Variants in TAC3 observed in about 807,000 individuals in gnomAD.
The protein encoded by TAC3 is tachykinin-3.
TAC3 carries 9 observed loss-of-function variants against 16.5 expected under a neutral mutation model. That is an observed-to-expected ratio of 0.55 (90% CI 0.33 to 0.95). The LOEUF (loss-of-function observed/expected upper bound fraction) is 0.95. Among genes scored for constraint, TAC3 ranks in the 40% least tolerant of loss-of-function variants. The pLI, the probability that TAC3 is intolerant of heterozygous loss-of-function variation, is 0.03. For synonymous variants in TAC3, 52 were observed against 56.7 expected (o/e 0.92, Z 0.37); for missense variants, 129 against 149.1 (o/e 0.87, Z 0.70).
At chr12:57,013,113 C>A in intron 4 of TAC3, 1 of 720,176 alleles carries the variant, frequency 1.4e-6, no homozygotes. Flanking sequence ...ATTTTCAGGG[C>A]CACGAAGAGA....
chr12:57,013,443 A>T (rs1956329571), intron 3 of TAC3, 55 bp from the exon 4 acceptor site: 1 of 1,609,064 alleles, frequency 6.2e-7, no homozygotes, highest in Non-Finnish European at 8.5e-7. Context: ...AAGTGATGAG[A>T]GCGGGGTTCA....
intron 3 of TAC3, 25 bp from the exon 4 acceptor site, chr12:57,013,413 A>T (rs1056834724): frequency 6.2e-7 from 1 of 1,614,118 alleles, no homozygotes; most frequent in African/African-American, 1.3e-5. Flanking sequence ...ACAGATGTCT[A>T]AATGGGGAGT....
At chr12:57,012,348 C>A in intron 6 of TAC3, 30 bp downstream of exon 6, 1 of 1,600,234 alleles carries the variant, frequency 6.2e-7, no homozygotes, top group Non-Finnish European at 8.6e-7. Context: ...TCCCCAGTCC[C>A]CTCTCCCCTC....
At chr12:57,011,492 G>A (rs1956297556) in intron 6 of TAC3, among the ~76,000 whole-genome samples, 1 of 152,150 alleles carries the variant, frequency 6.6e-6, no homozygotes, top group African/African-American at 2.4e-5. Flanking sequence ...CACTTCCCTG[G>A]GGGACTCTTA....
Position 57,010,391 on chromosome 12 carries a change from G to A in TAC3, c.*2-103C>T, listed in dbSNP as rs192257268. ...AACCTGCTGTGGCAGCAGGAGAGAA[G>A]GGGAGAGGCGTCTGTGAGAGAGGAA... On this transcript the variant is annotated intron_variant, in intron 6 of 6. Transcript: ENST00000458521. 2.0e-3 allele frequency: 709 copies of A among 352,644 alleles called. 4 individuals are homozygous for A. The highest frequency in any genetic ancestry group is 0.014 in the African/African-American group (670 of 46,754). 21.8% of individuals were successfully genotyped at this position (352,644 alleles called of 1,614,324 possible). A position where few individuals can be genotyped will look rare whatever the true frequency, so the allele number is the denominator to read the frequency against.
At position 57,013,624 on chromosome 12, in the gene TAC3, G is replaced by A; in HGVS notation, c.162C>T (p.His54=). 2 of 1,613,736 alleles carry A rather than the reference G, an allele frequency of 1.2e-6. No homozygotes were observed. The highest frequency in any genetic ancestry group is 1.7e-6 in the Non-Finnish European group (2 of 1,179,958). Reference sequence around the variant, plus strand: ...CTTTGAGCAATCCCTCCAGAGATGAGTGGCTTTTGAAGAGTCTCTGGAGCA... The same window carrying A: ...CTTTGAGCAATCCCTCCAGAGATGAATGGCTTTTGAAGAGTCTCTGGAGCA... ...YQLLQRLFKS[H]SSLEGLLKAL... The change falls in exon 3 of 7, where the codon CAC becomes CAT. Residue 54 remains histidine, a synonymous_variant. Transcript: ENST00000458521.
At chr12:57,012,190 G>C in intron 6 of TAC3, 188 bp downstream of exon 6, 1 of 612,030 alleles carries the variant, frequency 1.6e-6, no homozygotes, top group Non-Finnish European at 2.9e-6. Context: ...GAAAGACGGG[G>C]GATGTGTACA....
chr12:57,012,650 A>G (rs1193604945), intron 5 of TAC3, 172 bp downstream of exon 5: 2 of 1,613,048 alleles, frequency 1.2e-6, no homozygotes, highest in East Asian at 2.2e-5. Flanking sequence ...CTCTGTTCCC[A>G]GGGAAGACTT....
intron 6 of TAC3, among the ~76,000 whole-genome samples, chr12:57,011,664 T>C (rs1304733645): frequency 6.6e-6 from 1 of 152,168 alleles, no homozygotes; most frequent in East Asian, 1.9e-4. Context: ...TCTGAACACT[T>C]TACCTATACT....
Position 57,012,458 on chromosome 12 carries a change from G to T in TAC3, c.293-6C>A, listed in dbSNP as rs763641944. 2.5e-6 allele frequency: 4 copies of T among 1,614,062 alleles called. No individual in the cohort carries two copies. The East Asian group carries it at 8.9e-5, about 36-fold the overall frequency. On this transcript the variant is annotated splice_polypyrimidine_tract_variant and splice_region_variant and intron_variant, in intron 5 of 6. Coordinates refer to ENST00000458521, the MANE Select transcript of TAC3 (RefSeq NM_013251.4). Reference sequence around the variant, plus strand: ...ATTCACATCCGTAGGAGAGTCTAGGGTAAAGCGAACAGTGTAAGTAAGAGG... The same window carrying T: ...ATTCACATCCGTAGGAGAGTCTAGGTTAAAGCGAACAGTGTAAGTAAGAGG...
chr12:57,014,015 G>A (rs1052529783), intron 2 of TAC3, among the ~76,000 whole-genome samples: 1 of 152,172 alleles, frequency 6.6e-6, no homozygotes, highest in African/African-American at 2.4e-5. Flanking sequence ...CACTCTGCAC[G>A]ATGTCCATGG....
At chr12:57,012,624 A>T in intron 5 of TAC3, 172 bp from the exon 6 acceptor site, 1 of 1,612,974 alleles carries the variant, frequency 6.2e-7, no homozygotes, top group Non-Finnish European at 8.5e-7. Context: ...GGACTACCTT[A>T]TAAAGGTCTC....
At chr12:57,016,206 T>C (rs1956371872) in intron 1 of TAC3, among the ~76,000 whole-genome samples, 181 bp downstream of exon 1, 1 of 152,192 alleles carries the variant, frequency 6.6e-6, no homozygotes, top group Non-Finnish European at 1.5e-5. Context: ...TATGAAAGAA[T>C]GAGTCTGTAG....
chr12:57,016,156 A>G (rs1164329680), intron 1 of TAC3, among the ~76,000 whole-genome samples: 1 of 152,128 alleles, frequency 6.6e-6, no homozygotes, highest in Non-Finnish European at 1.5e-5. Flanking sequence ...GCTATTTTCC[A>G]GTACTAGATA....
intron 2 of TAC3, among the ~76,000 whole-genome samples, chr12:57,014,075 T>C (rs774865459): frequency 1.3e-5 from 2 of 152,172 alleles, no homozygotes; most frequent in African/African-American, 4.8e-5. Flanking sequence ...CTCCATGGCT[T>C]TCCGCCTCTA....
rs765352443 is a variant in TAC3, at chr12:57,013,592, C to T, written c.194G>A (p.Ser65Asn). Residue 65 changes from serine to asparagine, a missense_variant, in exon 3 of 7, where the codon AGC (serine) becomes AAC (asparagine). Coordinates refer to ENST00000458521, the MANE Select transcript of TAC3 (RefSeq NM_013251.4). ...CCGCCTCCTACCTGTGCTAGCCTGGCTCAGGGCTTTGAGCAATCCCTCCAG... is the reference window on the plus strand; with the variant it reads ...CCGCCTCCTACCTGTGCTAGCCTGGTTCAGGGCTTTGAGCAATCCCTCCAG... Reference protein sequence around the residue: ...SSLEGLLKALSQASTDPKEST... With the variant: ...SSLEGLLKALNQASTDPKEST... 1 of 1,613,532 alleles carries T rather than the reference C, an allele frequency of 6.2e-7. No individual in the cohort carries two copies. Among genetic ancestry groups the T allele is most frequent in the Non-Finnish European group, 8.5e-7 (1 of 1,179,926 alleles).
At chr12:57,015,593 C>T in intron 2 of TAC3, 91 bp downstream of exon 2, 1 of 1,173,240 alleles carries the variant, frequency 8.5e-7, no homozygotes, top group Non-Finnish European at 1.3e-6. Context: ...ACGGACAACC[C>T]CCCCACCCCA....
chr12:57,013,494 C>G, intron 3 of TAC3, 84 bp downstream of exon 3: 1 of 1,592,028 alleles, frequency 6.3e-7, no homozygotes, highest in Non-Finnish European at 8.6e-7. Context: ...TCCCCCATCT[C>G]TCTCCCATCT....
intron 1 of TAC3, 53 bp from the exon 2 acceptor site, chr12:57,015,855 G>C (rs1170616674): frequency 1.1e-5 from 16 of 1,483,270 alleles, no homozygotes; most frequent in Non-Finnish European, 1.5e-5. Context: ...GGAAGATACA[G>C]CATGGGTGAA....
Sources: gnomAD v4.1 joint callset for allele counts (sites outside exome capture counted in the v4.1 genomes callset) on GRCh38, gnomAD v4.1.1 for gene constraint, MANE v1.5 for transcripts, NCBI Gene and HGNC (gene_info 2026-07-23, HGNC 2026-07-21) for gene names.